The following EP400 variants were observed in gnomAD, a reference collection of about 807,000 sequenced individuals.
EP400 encodes the protein E1A binding protein p400, also known as E1A-binding protein p400.
A neutral mutation model predicts 354.1 loss-of-function variants in EP400; 105 were observed. The ratio of observed to expected loss-of-function variants is 0.30; its 90% CI spans 0.25 to 0.35. The LOEUF (loss-of-function observed/expected upper bound fraction) is 0.35. EP400 is among the 10% of genes least tolerant of loss of function. EP400 has a pLI of 1.00. For synonymous variants in EP400, 1,646 were observed against 1,716.9 expected (o/e 0.96, Z 1.02); for missense variants, 3,280 against 4,121.0 (o/e 0.80, Z 5.59).
intron 47 of EP400, 89 bp from the exon 48 acceptor site, chr12:132,064,579 C>T (rs1466213867): frequency 1.5e-5 from 22 of 1,508,036 alleles, no homozygotes; most frequent in Middle Eastern, 1.9e-4. Flanking sequence ...ATTTAATGGG[C>T]AGTAGAGGGG....
chr12:132,057,900 T>C (rs1467532930), intron 45 of EP400, among the ~76,000 whole-genome samples: 1 of 152,208 alleles, frequency 6.6e-6, no homozygotes, highest in Non-Finnish European at 1.5e-5. Flanking sequence ...TCACGACATA[T>C]TTTTGAGTGG....
chr12:132,001,342 C>G (rs1482354370), intron 12 of EP400, among the ~76,000 whole-genome samples: 1 of 152,104 alleles, frequency 6.6e-6, no homozygotes, highest in Non-Finnish European at 1.5e-5. Flanking sequence ...GCCTGGCAGC[C>G]GAGGCAGAGA....
chr12:132,026,255 T>C (rs1222329650), intron 25 of EP400, among the ~76,000 whole-genome samples: 1 of 152,198 alleles, frequency 6.6e-6, no homozygotes, highest in Non-Finnish European at 1.5e-5. Context: ...CCCAGGTCTC[T>C]CTGGACATGC....
rs561252137 is a variant in EP400 at position 131,967,555 on chromosome 12, T to G, written c.1335+5601T>G. Among the ~76,000 whole-genome samples, 4 of 151,774 alleles carry G rather than the reference T, an allele frequency of 2.6e-5. No homozygotes were observed. In the East Asian group the frequency reaches 7.7e-4, roughly 29 times the overall value. The stretch of plus-strand genomic sequence containing the variant: ...AAAAAAAAAAATTAGCCAGGCGTAG[T>G]GGCGTGCCGCTGTAGTCCCAGCTAC... On this transcript the variant is annotated intron_variant, in intron 2 of 52. Transcript: ENST00000389561.
At position 132,038,888 on chromosome 12, in the gene EP400, C is replaced by T. The variant is rs1252319380; in HGVS notation, c.6207+792C>T. Among the ~76,000 whole-genome samples, 1 of 152,206 alleles carries T rather than the reference C, an allele frequency of 6.6e-6. No homozygotes were observed. Among genetic ancestry groups the T allele is most frequent in the Non-Finnish European group, 1.5e-5 (1 of 68,034 alleles). ...ACTCCTCCAGAACTTGTTGTGGGGT[C>T]CCCGTTTCTGTGCCTCTTACCTTGG... On this transcript the variant is annotated intron_variant, in intron 32 of 52. Coordinates refer to ENST00000389561, the MANE Select transcript of EP400 (RefSeq NM_015409.5). The surrounding 1 kb of genome is among the most constrained non-coding windows in gnomAD (Gnocchi z 4.2).
chr12:132,069,023 A>T (rs1215824942), intron 50 of EP400: 1 of 155,218 alleles, frequency 6.4e-6, no homozygotes, highest in Non-Finnish European at 1.4e-5. Flanking sequence ...GATAAAGCAG[A>T]TACGTAAACG....
intron 22 of EP400, 41 bp from the exon 23 acceptor site, chr12:132,021,038 A>C: frequency 6.6e-7 from 1 of 1,521,620 alleles, no homozygotes; most frequent in East Asian, 2.4e-5. Flanking sequence ...TTTATTAAGA[A>C]CCTCTAACAG....
intron 48 of EP400, 190 bp from the exon 49 acceptor site, chr12:132,066,584 C>T (rs1304532644): frequency 1.0e-5 from 6 of 591,658 alleles, no homozygotes; most frequent in African/African-American, 3.9e-5. Flanking sequence ...TTCAGAAGCG[C>T]GGGCTGACCT....
In EP400 at chr12:132,053,578, G is replaced by C. The variant is rs1490500428; in HGVS notation, c.7709G>C (p.Gly2570Ala). ...PAKAQPAITTGGSAAVLAGTI... is the reference protein window; with the variant it reads ...PAKAQPAITTAGSAAVLAGTI... ...AAGGCGCAGCCCGCAATCACGACGG[G>C]GGGCAGTGCAGCCGTACTGGTGAGC... The change falls in exon 43 of 53, where the codon GGG becomes GCG. Residue 2570 changes from glycine (G) to alanine (A), a missense_variant. Around this residue, in one of 20 missense-constraint regions of EP400, gnomAD observed 255 missense variants for 295.9 expected, o/e 0.86. Coordinates refer to ENST00000389561, the MANE Select transcript of EP400 (RefSeq NM_015409.5). 1.3e-6 allele frequency: 2 copies of C among 1,564,596 alleles called. No homozygotes were observed. The highest frequency in any genetic ancestry group is 2.3e-5 in the East Asian group (1 of 43,326).
Position 131,960,981 on chromosome 12 carries a change from T to C in EP400, c.362T>C (p.Ile121Thr). 6.2e-7 allele frequency: 1 copy of C among 1,608,300 alleles called. No individual in the cohort carries two copies. The highest frequency in any genetic ancestry group is 1.1e-5 in the South Asian group (1 of 90,598). Reference sequence around the variant, plus strand: ...TTTGAGCATGGGTCTCCATCATACATTCAGGTCACGTCCCCCTTGTCCCAG... The same window carrying C: ...TTTGAGCATGGGTCTCCATCATACACTCAGGTCACGTCCCCCTTGTCCCAG... ...RRFEHGSPSY[I>T]QVTSPLSQQV... Residue 121 changes from isoleucine to threonine, a missense_variant, in exon 2 of 53, where the codon ATT becomes ACT. Ile to Thr is a moderately conservative substitution (Grantham distance 89). Coordinates refer to ENST00000389561, the MANE Select transcript of EP400 (RefSeq NM_015409.5).
Position 131,994,532 on chromosome 12 carries a change from T to C in EP400, c.2738-335T>C, listed in dbSNP as rs966044209. ...CTGGGCCTCGTGAGATGGGCGATGA[T>C]GACTTCACGGTGATCCCAGATGGCA... On this transcript the variant is annotated intron_variant, in intron 11 of 52. Coordinates refer to ENST00000389561, the MANE Select transcript of EP400 (RefSeq NM_015409.5). The surrounding 1 kb of genome is among the most constrained non-coding windows in gnomAD (Gnocchi z 4.6). Among the ~76,000 whole-genome samples the C allele has an allele frequency of 6.6e-6, 1 of 152,016 alleles. No individual in the cohort carries two copies. The highest frequency in any genetic ancestry group is 1.5e-5 in the Non-Finnish European group (1 of 67,986).
intron 51 of EP400, among the ~76,000 whole-genome samples, chr12:132,074,050 GAGTAGCTGGGACTAC>G (rs1421084152): frequency 7.1e-6 from 1 of 141,750 alleles, no homozygotes; most frequent in Non-Finnish European, 1.5e-5. Context: ...TCAGCCTCCC[GAGTAGCTGGGACTAC>G]AGGCACACAC....
At position 131,990,718 on chromosome 12, in the gene EP400, G is replaced by A. The variant is rs756559903; in HGVS notation, c.2629+4G>A. On this transcript the variant is annotated splice_donor_region_variant and intron_variant, in intron 9 of 52. Coordinates refer to ENST00000389561, the MANE Select transcript of EP400 (RefSeq NM_015409.5). This position sits in a 1 kb window ranked among gnomAD's most constrained non-coding sequence, Gnocchi z 4.2. ...TTACAGAAAGTTTCCAGGAGAGGTA[G>A]GACCCTTTAAAAAAAGGCTCACCAC... 3 of 1,598,096 alleles carry A rather than the reference G, an allele frequency of 1.9e-6. No homozygotes were observed. The South Asian group carries it at 3.4e-5, about 18-fold the overall frequency.
chr12:132,032,970 G>A (rs377262454), intron 30 of EP400, among the ~76,000 whole-genome samples: 3 of 151,112 alleles, frequency 2.0e-5, no homozygotes, highest in Admixed American at 6.6e-5. Context: ...TTTTTGAGAC[G>A]GAGTTTCGCT....
chr12:131,984,364 T>G (rs1593325572), intron 5 of EP400, among the ~76,000 whole-genome samples: 1 of 152,204 alleles, frequency 6.6e-6, no homozygotes, highest in Admixed American at 6.5e-5. Context: ...GACAACCTTA[T>G]GAGGTAGAAT....
At chr12:132,063,072 G>A (rs1393919899) in intron 47 of EP400, among the ~76,000 whole-genome samples, 2 of 152,218 alleles carry the variant, frequency 1.3e-5, no homozygotes, top group African/African-American at 4.8e-5. Flanking sequence ...AGTGTTGGGA[G>A]AGCAGGCGAT....
chr12:132,020,134 C>G lies in EP400; in HGVS notation c.4363C>G (p.Pro1455Ala). 1 of 1,611,944 alleles carries G rather than the reference C, an allele frequency of 6.2e-7. No individual in the cohort carries two copies. The highest frequency in any genetic ancestry group is 8.5e-7 in the Non-Finnish European group (1 of 1,179,230). Reference sequence around the variant, plus strand: ...CACTCACCCGCCCCGGACGGCAGCCCCCACCACGGCCTCTGCTGCTCCACA... The same window carrying G: ...CACTCACCCGCCCCGGACGGCAGCCGCCACCACGGCCTCTGCTGCTCCACA... ...PSTHPPRTAA[P>A]TTASAAPQGP... Residue 1455 changes from proline (P) to alanine (A), a missense_variant, in exon 22 of 53, where the codon CCC becomes GCC. This residue lies in a region of EP400 where 342 missense variants were observed against 342.7 expected (regional missense o/e 1.00). Transcript: ENST00000389561.
chr12:131,963,743 C>G (rs73162974), intron 2 of EP400: 51,455 of 844,474 alleles, frequency 0.061, 4,530 homozygotes, highest in African/African-American at 0.34. Context: ...CATTTTTTTT[C>G]CAGAGCCCAT....
chr12:132,069,509 G>A lies in EP400; in HGVS notation c.8889G>A (p.Gln2963=). 1 of 1,614,170 alleles carries A rather than the reference G, an allele frequency of 6.2e-7. No individual in the cohort carries two copies. The highest frequency in any genetic ancestry group is 8.5e-7 in the Non-Finnish European group (1 of 1,179,988). Residue 2963 remains glutamine, a synonymous_variant, in exon 51 of 53, where the codon CAG becomes CAA. Coordinates refer to ENST00000389561, the MANE Select transcript of EP400 (RefSeq NM_015409.5). ...TCTCTCCCCAGATCACCGCACAGCA[G>A]ATCACCACCCCTGGCGCGCAGCAGA... is the stretch of plus-strand genomic sequence containing the variant. ...AAVQQKITAQ[Q]ITTPGAQQKV...
Sources: allele counts gnomAD v4.1 joint callset (sites outside exome capture counted in the v4.1 genomes callset), GRCh38; gene constraint gnomAD v4.1.1; regional missense constraint gnomAD v4.1.1; non-coding constraint Gnocchi (gnomAD v3.1); transcripts MANE v1.5; gene names NCBI Gene and HGNC (gene_info 2026-07-23, HGNC 2026-07-21).